The following PKHD1 variants were observed in gnomAD, a reference collection of about 807,000 sequenced individuals.
The protein encoded by PKHD1 is PKHD1 ciliary IPT domain containing fibrocystin/polyductin, also known as fibrocystin.
Under a neutral mutation model 412.0 loss-of-function variants are expected in PKHD1, and 291 were observed. That is an observed-to-expected ratio of 0.71 (90% CI 0.64 to 0.78). PKHD1 has a LOEUF of 0.78. PKHD1 is among the 30% of genes least tolerant of loss of function. PKHD1 has a pLI of 0.00. For missense variants in PKHD1, 4,825 were observed against 4,950.7 expected (o/e 0.97, Z 0.76); for synonymous variants, 1,777 against 1,821.5 (o/e 0.98, Z 0.62).
intron 27 of PKHD1, among the ~76,000 whole-genome samples, chr6:52,041,600 T>A (rs1804899592): frequency 6.6e-6 from 1 of 152,170 alleles, no homozygotes; most frequent in Non-Finnish European, 1.5e-5. Context: ...CCCTCTCCCT[T>A]TCCCCATAGT....
intron 32 of PKHD1, among the ~76,000 whole-genome samples, chr6:52,024,177 T>TA (rs1283664039): frequency 6.6e-6 from 1 of 152,206 alleles, no homozygotes; most frequent in Non-Finnish European, 1.5e-5. Context: ...TACAAAATGA[T>TA]AAAAATTTAA....
intron 64 of PKHD1, 35 bp downstream of exon 64, chr6:51,638,814 A>C (rs1768938500): frequency 2.3e-6 from 3 of 1,325,812 alleles, no homozygotes; most frequent in Non-Finnish European, 3.2e-6. Context: ...AAAAAAAAAA[A>C]AAACACAGAA....
rs1371879775 is a variant in PKHD1, at chr6:52,024,607, T to C, written c.5203A>G (p.Arg1735Gly). Residue 1735 changes from arginine (R) to glycine (G), a missense_variant, in exon 32 of 67, where the codon AGA (arginine) becomes GGA (glycine). Coordinates refer to ENST00000371117, the MANE Select transcript of PKHD1 (RefSeq NM_138694.4). ...WASSALVFTS[R>G]VIITAVTENF... ...TCCGTCACTGCTGTAATAATAACTC[T>C]TGAGGTGAACACCAGGGCAGATGAG... 4.3e-6 allele frequency: 7 copies of C among 1,614,156 alleles called. No homozygotes were observed. Among genetic ancestry groups the C allele is most frequent in the Non-Finnish European group, 5.9e-6 (7 of 1,180,026 alleles).
chr6:51,816,720 C>T (rs1375282643), intron 52 of PKHD1, among the ~76,000 whole-genome samples: 3 of 152,204 alleles, frequency 2.0e-5, no homozygotes, highest in Non-Finnish European at 4.4e-5. Flanking sequence ...ACCAATCTGG[C>T]CATTTCTGTA....
At chr6:51,699,624 A>G (rs1033849800) in intron 60 of PKHD1, among the ~76,000 whole-genome samples, 1 of 152,160 alleles carries the variant, frequency 6.6e-6, no homozygotes, top group Non-Finnish European at 1.5e-5. Flanking sequence ...AAGTATATAT[A>G]TAACTTTATA....
chr6:52,061,650 G>T (rs189491874), intron 14 of PKHD1, among the ~76,000 whole-genome samples: 60 of 148,664 alleles, frequency 4.0e-4, no homozygotes, highest in African/African-American at 1.4e-3. Context: ...AGTAATTGCG[G>T]TTTTTGCCAT....
In PKHD1 at chr6:52,025,200, A is replaced by T. The variant is rs1376796838; in HGVS notation, c.4610T>A (p.Val1537Glu). 1 of 1,614,242 alleles carries T rather than the reference A, an allele frequency of 6.2e-7. No homozygotes were observed. Among genetic ancestry groups the T allele is most frequent in the South Asian group, 1.1e-5 (1 of 91,088 alleles). ...TGGGGCCAAGTCTCTTGTCTGGCAC[A>T]CAACGTGGCTTGCATTAAAAAAAGT... ...NVTFFNASHVVCQTRDLAPGP... is the reference protein window; with the variant it reads ...NVTFFNASHVECQTRDLAPGP... The change falls in exon 32 of 67, where the codon GTG (valine) becomes GAG (glutamate). Residue 1537 changes from valine to glutamate, a missense_variant. Transcript: ENST00000371117.
chr6:51,928,996 C>T lies in PKHD1; in HGVS notation c.6121+5114G>A, dbSNP rs554318957. Among the ~76,000 whole-genome samples, 4 of 152,214 alleles carry T rather than the reference C, an allele frequency of 2.6e-5. No individual in the cohort carries two copies. In the South Asian group the frequency reaches 8.3e-4, roughly 32 times the overall value. ...AAAGCTACATATAAAAATGCCATGT[C>T]ATAGCTCTGGTTTGTATCTAGCTCA... On this transcript the variant is annotated intron_variant, in intron 37 of 66. Transcript: ENST00000371117.
intron 60 of PKHD1, among the ~76,000 whole-genome samples, chr6:51,681,095 GC>G (rs1232342212): frequency 6.6e-6 from 1 of 151,992 alleles, no homozygotes; most frequent in East Asian, 1.9e-4. Flanking sequence ...TGTCACTGCT[GC>G]CCATGTATAG....
At chr6:51,637,551 T>C (rs1768739343) in intron 64 of PKHD1, among the ~76,000 whole-genome samples, 1 of 151,816 alleles carries the variant, frequency 6.6e-6, no homozygotes, top group African/African-American at 2.4e-5. Context: ...GAGATAATGA[T>C]CATATAGCCA....
At chr6:51,996,008 AT>A (rs546863128) in intron 35 of PKHD1, among the ~76,000 whole-genome samples, 257 of 143,310 alleles carry the variant, frequency 1.8e-3, no homozygotes, top group African/African-American at 1.8e-3. Flanking sequence ...AAGAACGGCA[AT>A]TTTTTTTTTT....
intron 63 of PKHD1, 125 bp from the exon 64 acceptor site, chr6:51,639,081 C>A: frequency 1.3e-6 from 1 of 758,964 alleles, no homozygotes; most frequent in Non-Finnish European, 2.4e-6. Flanking sequence ...AAGAGGTTAC[C>A]TAATCCATCA....
chr6:51,788,579 G>A (rs1346743930), intron 53 of PKHD1, among the ~76,000 whole-genome samples: 1 of 151,892 alleles, frequency 6.6e-6, no homozygotes, highest in South Asian at 2.1e-4. Flanking sequence ...CCATACAAAG[G>A]CCATGCCTCT....
intron 55 of PKHD1, among the ~76,000 whole-genome samples, chr6:51,758,054 A>AG (rs1485093515): frequency 8.1e-4 from 94 of 115,352 alleles, no homozygotes; most frequent in African/African-American, 3.0e-3. Context: ...GAGAGAGAGA[A>AG]AACAAAGCAA....
chr6:52,006,806 C>T (rs961998972), intron 35 of PKHD1, among the ~76,000 whole-genome samples: 3 of 152,180 alleles, frequency 2.0e-5, no homozygotes, highest in African/African-American at 7.2e-5. Flanking sequence ...GCAGTATACA[C>T]TGAACCCAAT....
chr6:51,699,536 T>C lies in PKHD1; in HGVS notation c.10157-39567A>G, dbSNP rs141451183. Among the ~76,000 whole-genome samples the C allele has an allele frequency of 3.6e-3, 542 of 152,346 alleles. 4 individuals carry two copies. The highest frequency in any genetic ancestry group is 0.012 in the African/African-American group (518 of 41,586). On this transcript the variant is annotated intron_variant, in intron 60 of 66. Transcript: ENST00000371117. ...TGAAGCTACTATGAATGTTCATTCTTCTAAAAATTTTTGTTGAATATAACT... is the reference window on the plus strand; with the variant it reads ...TGAAGCTACTATGAATGTTCATTCTCCTAAAAATTTTTGTTGAATATAACT...
intron 52 of PKHD1, among the ~76,000 whole-genome samples, chr6:51,811,762 T>C (rs1711882058): frequency 6.6e-6 from 1 of 152,158 alleles, no homozygotes; most frequent in Non-Finnish European, 1.5e-5. Flanking sequence ...AATTAATTAA[T>C]ATTTTTAAAG....
intron 43 of PKHD1, among the ~76,000 whole-genome samples, chr6:51,897,491 C>A (rs1476635603): frequency 6.7e-6 from 1 of 149,810 alleles, no homozygotes; most frequent in Non-Finnish European, 1.5e-5. Flanking sequence ...CCAGGCCTGC[C>A]CTAAAAGAGC....
intron 60 of PKHD1, among the ~76,000 whole-genome samples, chr6:51,672,932 T>C (rs896897231): frequency 2.0e-5 from 3 of 152,174 alleles, no homozygotes; most frequent in African/African-American, 7.2e-5. Flanking sequence ...ACTGTGTCAG[T>C]GAGTAGTAAG....
Sources: gnomAD v4.1 joint callset for allele counts (sites outside exome capture counted in the v4.1 genomes callset) on GRCh38, gnomAD v4.1.1 for gene constraint, MANE v1.5 for transcripts, NCBI Gene and HGNC (gene_info 2026-07-23, HGNC 2026-07-21) for gene names.